Variants in PHLDB2 observed in about 807,000 individuals in gnomAD.
The protein encoded by PHLDB2 is pleckstrin homology like domain family B member 2, also known as pleckstrin homology-like domain family B member 2.
In PHLDB2, 71 loss-of-function variants were observed where a neutral mutation model predicts 123.6. The ratio of observed to expected loss-of-function variants is 0.57; its 90% CI spans 0.47 to 0.70. The LOEUF (loss-of-function observed/expected upper bound fraction) is 0.70, where lower values mean the gene tolerates loss of function less well. Among genes scored for constraint, PHLDB2 ranks in the 30% least tolerant of loss-of-function variants. PHLDB2 has a pLI of 0.00. For missense variants in PHLDB2, 1,446 were observed against 1,519.5 expected (o/e 0.95, Z 0.80); for synonymous variants, 547 against 541.6 (o/e 1.01, Z -0.14).
chr3:111,842,731 C>T (rs2063748998), intron 1 of PHLDB2, among the ~76,000 whole-genome samples: 1 of 152,186 alleles, frequency 6.6e-6, no homozygotes, highest in Admixed American at 6.6e-5. Context: ...AAAATCCACA[C>T]CCATTAGCAG....
intron 2 of PHLDB2, among the ~76,000 whole-genome samples, chr3:111,898,182 T>TTTG (rs2066985133): frequency 5.6e-5 from 8 of 142,656 alleles, no homozygotes; most frequent in East Asian, 2.1e-4. Context: ...GTGTGTGTGT[T>TTTG]TGTGTGTGTG....
intron 3 of PHLDB2, 66 bp downstream of exon 3, chr3:111,913,768 A>C: frequency 7.0e-7 from 1 of 1,438,342 alleles, no homozygotes; most frequent in Non-Finnish European, 9.4e-7. Flanking sequence ...TTTGGCATGA[A>C]AACTGATGAT....
intron 2 of PHLDB2, among the ~76,000 whole-genome samples, chr3:111,900,061 A>G (rs1417617202): frequency 6.6e-6 from 1 of 152,212 alleles, no homozygotes; most frequent in African/African-American, 2.4e-5. Context: ...AGCCTCTGCT[A>G]GTTACAGATT....
chr3:111,937,133 CT>C, intron 6 of PHLDB2, among the ~76,000 whole-genome samples: 1 of 152,254 alleles, frequency 6.6e-6, no homozygotes, highest in Admixed American at 6.5e-5. Flanking sequence ...TGTTCTTAAG[CT>C]TTGAGAATTG....
chr3:111,896,359 C>T (rs201645051), intron 2 of PHLDB2, among the ~76,000 whole-genome samples: 1 of 26,892 alleles, frequency 3.7e-5, no homozygotes, highest in Admixed American at 5.9e-4. Flanking sequence ...TCTTCCCCCG[C>T]CCCGAGACGG....
At position 111,920,205 on chromosome 3, in the gene PHLDB2, C is replaced by G. The variant is rs1418341072; in HGVS notation, c.1864-77C>G. On this transcript the variant is annotated intron_variant, in intron 4 of 17. Transcript: ENST00000431670. ...TACTTTTGGAAATTTGTAGCTGTTG[C>G]AAATGTATCTCTAGGGTGGTCAGTT... 2.0e-6 allele frequency: 3 copies of G among 1,491,574 alleles called. No individual in the cohort carries two copies. In the East Asian group the frequency reaches 7.0e-5, roughly 35 times the overall value. 92.4% of individuals were successfully genotyped at this position (1,491,574 alleles called of 1,614,324 possible).
chr3:111,859,840 C>T, intron 1 of PHLDB2: 2 of 985,946 alleles, frequency 2.0e-6, no homozygotes, highest in Middle Eastern at 5.2e-4. Context: ...AGGGCGGCGG[C>T]GCCAGCGTAG....
chr3:111,827,483 A>G (rs893698031), intron 1 of PHLDB2, among the ~76,000 whole-genome samples: 3 of 152,060 alleles, frequency 2.0e-5, no homozygotes, highest in Non-Finnish European at 4.4e-5. Context: ...ATACCATCCT[A>G]GCTAACACGG....
At chr3:111,937,314 G>T (rs2069556590) in intron 6 of PHLDB2, among the ~76,000 whole-genome samples, 1 of 152,182 alleles carries the variant, frequency 6.6e-6, no homozygotes, top group Admixed American at 6.5e-5. Flanking sequence ...GTTGAATATC[G>T]ATATAGAAAT....
At chr3:111,933,432 G>A (rs999905927) in intron 6 of PHLDB2, among the ~76,000 whole-genome samples, 3 of 152,186 alleles carry the variant, frequency 2.0e-5, no homozygotes, top group South Asian at 2.1e-4. Context: ...CTCTGAGAAC[G>A]TCACTAGGTG....
chr3:111,893,321 C>T (rs2066612940), intron 2 of PHLDB2, among the ~76,000 whole-genome samples: 1 of 151,528 alleles, frequency 6.6e-6, no homozygotes, highest in South Asian at 2.1e-4. Context: ...TTACTTGAAT[C>T]TCCTTCCTGA....
intron 1 of PHLDB2, among the ~76,000 whole-genome samples, chr3:111,828,762 G>A (rs540531499): frequency 9.9e-5 from 15 of 152,228 alleles, no homozygotes; most frequent in African/African-American, 3.4e-4. Context: ...CAGCCTGGGC[G>A]ACAGAGTGAG....
chr3:111,784,775 A>G (rs1011568678), intron 1 of PHLDB2, among the ~76,000 whole-genome samples: 2 of 152,134 alleles, frequency 1.3e-5, no homozygotes, highest in Admixed American at 6.5e-5. Flanking sequence ...TGTTTACTTC[A>G]TTATATTGTG....
At chr3:111,946,078 C>CTGGAGTGCAGTGGCATGGGAGTGCAG in intron 9 of PHLDB2, among the ~76,000 whole-genome samples, 1 of 151,432 alleles carries the variant, frequency 6.6e-6, no homozygotes, top group East Asian at 1.9e-4. Flanking sequence ...GTTGCCCAGG[C>CTGGAGTGCAGTGGCATGGGAGTGCAG]TGGCATGATC....
chr3:111,918,447 A>C lies in PHLDB2; in HGVS notation c.1720-625A>C, dbSNP rs186856936. On this transcript the variant is annotated intron_variant, in intron 3 of 17. Coordinates refer to ENST00000431670, the MANE Select transcript of PHLDB2 (RefSeq NM_001134438.2). ...CTAACACAAAAGTGAAGCATCAATT[A>C]ATTTAATACTGAGTGTGTAGTTTTA... is the stretch of plus-strand genomic sequence containing the variant. Among the ~76,000 whole-genome samples, 413 of 152,358 alleles carry C rather than the reference A, an allele frequency of 2.7e-3. 2 individuals carry two copies. Among genetic ancestry groups the C allele is most frequent in the African/African-American group, 9.8e-3 (407 of 41,590 alleles).
At chr3:111,940,306 A>G (rs978926816) in intron 7 of PHLDB2, among the ~76,000 whole-genome samples, 1 of 152,232 alleles carries the variant, frequency 6.6e-6, no homozygotes, top group African/African-American at 2.4e-5. Context: ...TCTTCAAGAT[A>G]GGTTTTTAAT....
At position 111,791,326 on chromosome 3, in the gene PHLDB2, T is replaced by C. The variant is rs192101360; in HGVS notation, c.-48-54495T>C. On this transcript the variant is annotated intron_variant, in intron 1 of 17. Coordinates refer to the PHLDB2 transcript ENST00000393923. ...GTTTGCTTCCTGTGAGTGGACTTTCTGGGTCTTAGGTAAATGACAAGATGA... is the reference window on the plus strand; with the variant it reads ...GTTTGCTTCCTGTGAGTGGACTTTCCGGGTCTTAGGTAAATGACAAGATGA... Among the ~76,000 whole-genome samples, 12 of 152,340 alleles carry C rather than the reference T, an allele frequency of 7.9e-5. No homozygotes were observed. In the East Asian group the frequency reaches 2.3e-3, roughly 29 times the overall value.
At chr3:111,962,765 A>G (rs1463871947) in intron 13 of PHLDB2, among the ~76,000 whole-genome samples, 1 of 151,700 alleles carries the variant, frequency 6.6e-6, no homozygotes, top group East Asian at 1.9e-4. Flanking sequence ...CCCTGTCTCT[A>G]CTAAATACAA....
upstream of PHLDB2, among the ~76,000 whole-genome samples, chr3:111,857,303 T>C (rs2064556182): frequency 6.6e-6 from 1 of 151,874 alleles, no homozygotes. Flanking sequence ...AATTCAATAT[T>C]AGCTGGGCAT....
Sources: allele counts gnomAD v4.1 joint callset (sites outside exome capture counted in the v4.1 genomes callset), GRCh38; gene constraint gnomAD v4.1.1; transcripts MANE v1.5; gene names NCBI Gene and HGNC (gene_info 2026-07-23, HGNC 2026-07-21).